C19orf38: variants seen among roughly 807,000 people sequenced by gnomAD.
C19orf38 encodes the protein chromosome 19 open reading frame 38, also known as protein HIDE1.
Under a neutral mutation model 26.6 loss-of-function variants are expected in C19orf38, and 14 were observed. The observed-to-expected ratio is 0.53, with a 90% CI of 0.35 to 0.82. C19orf38 has a LOEUF of 0.82. C19orf38 is among the 40% of genes least tolerant of loss of function. C19orf38 has a pLI of 0.01. For missense variants in C19orf38, 261 were observed against 299.5 expected, an observed-to-expected ratio of 0.87 and a Z score of 0.95; for synonymous variants, 132 against 128.5, an observed-to-expected ratio of 1.03 and a Z score of -0.18.
intron 2 of C19orf38, among the ~76,000 whole-genome samples, chr19:10,853,800 G>A (rs1418088861): frequency 1.3e-5 from 2 of 150,208 alleles, no homozygotes; most frequent in Non-Finnish European, 3.0e-5. Flanking sequence ...GTTTCACAGT[G>A]TTAGCCAGGA....
chr19:10,849,102 T>A (rs1214914736), intron 1 of C19orf38, among the ~76,000 whole-genome samples: 3 of 151,542 alleles, frequency 2.0e-5, no homozygotes. Flanking sequence ...TCCCTCTCAC[T>A]CACCCCCTCC....
At chr19:10,840,499 ATTTTTGTTTTTG>A (rs57035632) in intron 1 of C19orf38, among the ~76,000 whole-genome samples, 6 of 151,366 alleles carry the variant, frequency 4.0e-5, no homozygotes, top group East Asian at 1.9e-4. Flanking sequence ...ATAAAGACAG[ATTTTTGTTTTTG>A]TTTTTGTTTT....
rs548460163 is a variant in C19orf38 at position 10,869,241 on chromosome 19, G to C, written c.567G>C (p.Pro189=). The change falls in exon 7 of 7, where the codon CCG becomes CCC. Residue 189 remains proline, a synonymous_variant. Transcript: ENST00000397820. ...AGAAAACGATGCCAGAAGAAGACCCGGCCACCTTGGATGATCACTCAGGCA... is the reference window on the plus strand; with the variant it reads ...AGAAAACGATGCCAGAAGAAGACCCCGCCACCTTGGATGATCACTCAGGCA... The part of the protein sequence containing the change: ...VSAKTMPEED[P]ATLDDHSGTT... 6.4e-7 allele frequency: 1 copy of C among 1,551,604 alleles called. No individual in the cohort carries two copies. The highest frequency in any genetic ancestry group is 2.4e-5 in the East Asian group (1 of 40,922).
upstream of C19orf38, among the ~76,000 whole-genome samples, chr19:10,844,643 C>G (rs1052311971): frequency 6.6e-6 from 1 of 150,906 alleles, no homozygotes; most frequent in Non-Finnish European, 1.5e-5. Flanking sequence ...GTCAGGTGAT[C>G]AAGACCATCC....
At chr19:10,844,674 C>T (rs1330767931), upstream of C19orf38, among the ~76,000 whole-genome samples, 1 of 151,542 alleles carries the variant, frequency 6.6e-6, no homozygotes, top group Admixed American at 6.6e-5. Flanking sequence ...AGTGAAATCC[C>T]GTCTCTACTA....
chr19:10,864,973 G>A (rs942364687), intron 6 of C19orf38, among the ~76,000 whole-genome samples: 1 of 152,132 alleles, frequency 6.6e-6, no homozygotes, highest in African/African-American at 2.4e-5. Context: ...TAGGAAGGAA[G>A]GGGGCTTGGC....
At chr19:10,864,308 G>C (rs1401646854) in intron 6 of C19orf38, among the ~76,000 whole-genome samples, 2 of 151,992 alleles carry the variant, frequency 1.3e-5, no homozygotes, top group African/African-American at 4.8e-5. Context: ...TGATCCACTG[G>C]GATTACAGGT....
intron 4 of C19orf38, among the ~76,000 whole-genome samples, chr19:10,859,664 G>A (rs1286837229): frequency 2.6e-5 from 4 of 151,982 alleles, no homozygotes; most frequent in Admixed American, 6.6e-5. Context: ...GATTACAGGC[G>A]TGAGCCACTG....
intron 4 of C19orf38, among the ~76,000 whole-genome samples, chr19:10,859,348 G>GTATATATATATATATATA: frequency 1.8e-5 from 1 of 55,946 alleles, no homozygotes; most frequent in South Asian, 6.9e-4. Flanking sequence ...GTGTGTGTGT[G>GTATATATATATATATATA]TATATATATA....
intron 5 of C19orf38, among the ~76,000 whole-genome samples, chr19:10,860,812 G>A (rs1331187693): frequency 7.1e-6 from 1 of 141,306 alleles, no homozygotes; most frequent in Non-Finnish European, 1.5e-5. Context: ...CTGTACTCCA[G>A]CCTGGGCGAC....
intron 4 of C19orf38, among the ~76,000 whole-genome samples, chr19:10,859,369 TATATATATATATA>T (rs1568337613): frequency 4.9e-5 from 3 of 61,302 alleles, no homozygotes; most frequent in African/African-American, 2.8e-4. Context: ...TATATATATA[TATATATATATATA>T]TATTTTTTTT....
chr19:10,857,335 C>CACAT (rs1345312628), intron 3 of C19orf38, among the ~76,000 whole-genome samples: 2 of 68,924 alleles, frequency 2.9e-5, no homozygotes, highest in East Asian at 4.7e-4. Flanking sequence ...CACACACACA[C>CACAT]ATACATATAT....
At chr19:10,862,179 C>A (rs549520715) in intron 5 of C19orf38, among the ~76,000 whole-genome samples, 1 of 150,240 alleles carries the variant, frequency 6.7e-6, no homozygotes, top group South Asian at 2.1e-4. Flanking sequence ...GGATTACAGG[C>A]ATGAGCCACC....
At chr19:10,845,876 C>CTCA (rs1555719673), upstream of C19orf38, among the ~76,000 whole-genome samples, 1 of 72,522 alleles carries the variant, frequency 1.4e-5, no homozygotes, top group African/African-American at 5.4e-5. Flanking sequence ...AAGACTCCGT[C>CTCA]AAAAAAAAAA....
At chr19:10,838,278 C>T (rs1017585496) in intron 1 of C19orf38, among the ~76,000 whole-genome samples, 2 of 151,994 alleles carry the variant, frequency 1.3e-5, no homozygotes, top group Non-Finnish European at 2.9e-5. Flanking sequence ...GGCGTGGTGG[C>T]GGGTGCCTGT....
At position 10,863,181 on chromosome 19, in the gene C19orf38, G is replaced by A. The variant is rs1396686173; in HGVS notation, c.517G>A (p.Asp173Asn). The change falls in exon 6 of 7, where the codon GAT becomes AAT. Residue 173 changes from aspartate (D) to asparagine (N), a missense_variant. Coordinates refer to ENST00000397820, the MANE Select transcript of C19orf38 (RefSeq NM_001136482.3). ...TCTTTCTGTTTCAGACATGTCCTTCGATAACTCCCTGTTTACCGTCTCCGC... is the reference window on the plus strand; with the variant it reads ...TCTTTCTGTTTCAGACATGTCCTTCAATAACTCCCTGTTTACCGTCTCCGC... ...INFDSTDMSF[D>N]NSLFTVSAKT... 3.2e-6 allele frequency: 5 copies of A among 1,551,324 alleles called. No homozygotes were observed. Among genetic ancestry groups the A allele is most frequent in the Middle Eastern group, 1.7e-4 (1 of 6,000 alleles).
intron 6 of C19orf38, among the ~76,000 whole-genome samples, chr19:10,867,266 C>T (rs768562056): frequency 9.1e-6 from 1 of 109,410 alleles, no homozygotes; most frequent in Non-Finnish European, 2.2e-5. Flanking sequence ...TTTCGCTGAG[C>T]TTGATGTCCT....
At chr19:10,866,127 C>G (rs181649833) in intron 6 of C19orf38, among the ~76,000 whole-genome samples, 25 of 151,610 alleles carry the variant, frequency 1.6e-4, no homozygotes, top group East Asian at 3.9e-4. Context: ...CAACCTCCCC[C>G]CCTGGGTTCA....
At chr19:10,850,601 G>T in intron 2 of C19orf38, 34 bp downstream of exon 2, 1 of 1,546,450 alleles carries the variant, frequency 6.5e-7, no homozygotes, top group Non-Finnish European at 8.7e-7. Flanking sequence ...ACTGCCGGGG[G>T]CTTAATTTTC....
Sources: gnomAD v4.1 joint callset for allele counts (sites outside exome capture counted in the v4.1 genomes callset) on GRCh38, gnomAD v4.1.1 for gene constraint, MANE v1.5 for transcripts, NCBI Gene and HGNC (gene_info 2026-07-23, HGNC 2026-07-21) for gene names.